MED16: variants seen among roughly 807,000 people sequenced by gnomAD.
MED16 encodes mediator of RNA polymerase II transcription subunit 16.
MED16 carries 81 observed loss-of-function variants against 84.4 expected under a neutral mutation model. The ratio of observed to expected loss-of-function variants is 0.96; its 90% CI spans 0.80 to 1.15. The LOEUF is 1.15. Among genes scored for constraint, MED16 ranks in the 50% most tolerant of loss-of-function variants. The pLI, the probability that MED16 is intolerant of heterozygous loss-of-function variation, is 0.00. For missense variants in MED16, 1,585 were observed against 1,245.9 expected (o/e 1.27, Z -4.10); for synonymous variants, 897 against 552.2 (o/e 1.62, Z -8.76).
Position 872,951 on chromosome 19 carries a change from GAGGGCTCCGAGGTGGGGC to G in MED16, c.1905+480_1905+497del, listed in dbSNP as rs1568320897. On this transcript the variant is annotated intron_variant, in intron 11 of 15. Transcript: ENST00000325464. The stretch of plus-strand genomic sequence containing the variant: ...TGGAGAGGAGGGCTCCGAGGTGGGG[GAGGGCTCCGAGGTGGGGC>G]AGGGCTCCGAGGTGGGGGAGGGCTC... 2.0e-4 allele frequency: 186 copies of G among 949,192 alleles called. 23 individuals carry two copies. Among genetic ancestry groups the G allele is most frequent in the South Asian group, 1.4e-3 (48 of 34,506 alleles). The allele number at this position is 949,192 out of a possible 1,614,324, so 58.8% of individuals were successfully genotyped here. A position where few individuals can be genotyped will look rare whatever the true frequency, so the allele number is the denominator to read the frequency against.
At chr19:873,258 C>CAGGGGCGGGGCTGAGGTGGGACTCCAAG (rs1568321481) in intron 11 of MED16, among the ~76,000 whole-genome samples, 191 bp downstream of exon 11, 3 of 111,060 alleles carry the variant, frequency 2.7e-5, no homozygotes, top group Non-Finnish European at 3.6e-5. Flanking sequence ...GGGACTCCAA[C>CAGGGGCGGGGCTGAGGTGGGACTCCAAG]CAGGGGCGGG....
chr19:873,057 GGCAGGGCTCCGA>G (rs2036128590), intron 11 of MED16: 1 of 132,652 alleles, frequency 7.5e-6, no homozygotes, highest in Admixed American at 1.9e-4. Context: ...TCCGAGGTGG[GGCAGGGCTCCGA>G]GGTGGGGGAG....
intron 10 of MED16, among the ~76,000 whole-genome samples, chr19:874,895 G>A (rs2036192026): frequency 3.3e-5 from 5 of 152,168 alleles, no homozygotes; most frequent in Admixed American, 2.0e-4. Context: ...TGTAATCCCA[G>A]CCTTTAGGCT....
chr19:881,710 G>A lies in MED16; in HGVS notation c.990C>T (p.Gly330=), dbSNP rs374949217. The change falls in exon 7 of 16, where the codon GGC becomes GGT. Residue 330 remains glycine (G), a synonymous_variant. Coordinates refer to ENST00000325464, the MANE Select transcript of MED16 (RefSeq NM_005481.3). ...ATTTGAGAATTGTGGGCTGTTTGTC[G>A]CCAACTGAAAAATCAGGGGCAGGAA... is the stretch of plus-strand genomic sequence containing the variant. The part of the protein sequence containing the change: ...NIFQQISPVV[G]DKQPTILKWR... 209 of 1,608,060 alleles carry A rather than the reference G, an allele frequency of 1.3e-4. 1 individual carries two copies. Among genetic ancestry groups the A allele is most frequent in the Admixed American group, 1.7e-4 (10 of 59,650 alleles).
chr19:872,341 C>T (rs1013740826), intron 11 of MED16, among the ~76,000 whole-genome samples: 60 of 152,118 alleles, frequency 3.9e-4, no homozygotes, highest in Non-Finnish European at 6.2e-4. Context: ...AGAGTCGTCC[C>T]ATCCCTGAGA....
rs1352645490 is a variant in MED16, at chr19:878,933, C to T, written c.1353+1004G>A. On this transcript the variant is annotated intron_variant, in intron 8 of 15. Coordinates refer to ENST00000325464, the MANE Select transcript of MED16 (RefSeq NM_005481.3). ...TGTCCACCAGCCCCGGCCCCGGCCC[C>T]GGCCCCGGCCCCGGCCGCAGCTCCA... Among the ~76,000 whole-genome samples, 14 of 110,642 alleles carry T rather than the reference C, an allele frequency of 1.3e-4. No individual in the cohort carries two copies. In the South Asian group the frequency reaches 2.6e-3, roughly 20 times the overall value. The allele number at this position is 110,642 out of a possible 152,430, so 72.6% of individuals were successfully genotyped here.
intron 4 of MED16, 34 bp from the exon 5 acceptor site, chr19:886,235 TCAGGCTCATGGGGGCTGCC>T (rs1454913120): frequency 1.2e-5 from 18 of 1,477,270 alleles, no homozygotes; most frequent in Non-Finnish European, 1.5e-5. Context: ...GAGGGGCCGC[TCAGGCTCATGGGGGCTGCC>T]CCATGACCCC....
At chr19:888,593 G>A (rs1272371070) in intron 4 of MED16, among the ~76,000 whole-genome samples, 2 of 151,446 alleles carry the variant, frequency 1.3e-5, no homozygotes, top group Admixed American at 6.6e-5. Flanking sequence ...CATGGCGAGT[G>A]TATACGAAAC....
intron 2 of MED16, 70 bp downstream of exon 2, chr19:890,893 G>T: frequency 6.6e-7 from 1 of 1,526,640 alleles, no homozygotes; most frequent in Admixed American, 2.0e-5. Context: ...AAGGCAGTGG[G>T]CCGGGCACCT....
Position 877,013 on chromosome 19 carries a change from C to T in MED16, c.1521G>A (p.Leu507=). The part of the protein sequence containing the change: ...PSMVQSLVEK[L]HEEYTRQTAA... Reference sequence around the variant, plus strand: ...CGGTCTGGCGCGTGTACTCCTCGTGCAGCTTCTCCACCAGGCTCTGTACCA... The same window carrying T: ...CGGTCTGGCGCGTGTACTCCTCGTGTAGCTTCTCCACCAGGCTCTGTACCA... Residue 507 remains leucine, a synonymous_variant, in exon 9 of 16, where the codon CTG becomes CTA. Transcript: ENST00000325464. 10 of 1,612,500 alleles carry T rather than the reference C, an allele frequency of 6.2e-6. No individual in the cohort carries two copies. The highest frequency in any genetic ancestry group is 8.5e-6 in the Non-Finnish European group (10 of 1,179,822).
intron 1 of MED16, 174 bp downstream of exon 1, chr19:892,887 GCGCCCCGCGCCCCGCGCCCCGCGCC>G (rs2036668956): frequency 1.0e-4 from 1 of 9,950 alleles, no homozygotes; most frequent in African/African-American, 3.3e-4. Flanking sequence ...CCCGAGCCCC[GCGCCCCGCGCCCCGCGCCCCGCGCC>G]CCGCGCCCCG....
In MED16 at chr19:881,729, G is replaced by C. The variant is rs769473262; in HGVS notation, c.986-15C>G. 3 of 1,607,190 alleles carry C rather than the reference G, an allele frequency of 1.9e-6. No homozygotes were observed. The highest frequency in any genetic ancestry group is 2.6e-6 in the Non-Finnish European group (3 of 1,175,804). On this transcript the variant is annotated splice_polypyrimidine_tract_variant and intron_variant, in intron 6 of 15. Transcript: ENST00000325464. ...TTTGTCGCCAACTGAAAAATCAGGG[G>C]CAGGAAAACAGGAAGGCAATGGAGT...
At chr19:874,437 C>T (rs1389227264) in intron 10 of MED16, among the ~76,000 whole-genome samples, 3 of 152,150 alleles carry the variant, frequency 2.0e-5, no homozygotes, top group African/African-American at 7.2e-5. Context: ...AAACAGCCTG[C>T]CAGGCACAGT....
Position 885,031 on chromosome 19 carries a change from G to A in MED16, c.880-23C>T, listed in dbSNP as rs748552479. On this transcript the variant is annotated intron_variant, in intron 5 of 15. Coordinates refer to ENST00000325464, the MANE Select transcript of MED16 (RefSeq NM_005481.3). The stretch of plus-strand genomic sequence containing the variant: ...CACCTGCGGGGGAGGTGGGGGTGAG[G>A]GCTGACCCGGCACTGCTGTGGTGGC... The A allele has an allele frequency of 5.1e-6, 8 of 1,556,532 alleles. No individual in the cohort carries two copies. The East Asian group carries it at 1.4e-4, about 27-fold the overall frequency.
At chr19:872,682 G>A (rs1301268326) in intron 11 of MED16, among the ~76,000 whole-genome samples, 3 of 151,750 alleles carry the variant, frequency 2.0e-5, no homozygotes, top group East Asian at 2.0e-4. Context: ...TGGAGCCCTG[G>A]TCAGGGGCGC....
Position 867,987 on chromosome 19 carries a change from C to T in MED16, c.*114G>A, listed in dbSNP as rs2035953365. 2 of 1,383,442 alleles carry T rather than the reference C, an allele frequency of 1.4e-6. No homozygotes were observed. The highest frequency in any genetic ancestry group is 2.4e-5 in the East Asian group (1 of 42,098). 85.7% of individuals were successfully genotyped at this position (1,383,442 alleles called of 1,614,324 possible). A position where few individuals can be genotyped will look rare whatever the true frequency, so the allele number is the denominator to read the frequency against. ...CTGGGCGCAGAGGGCGTTTATTGGA[C>T]CTGTCCTTCCCAGCCGCTGCTTGTC... On this transcript the variant is annotated 3_prime_UTR_variant, in exon 16 of 16. Coordinates refer to ENST00000325464, the MANE Select transcript of MED16 (RefSeq NM_005481.3).
rs768900748 is a variant in MED16, at chr19:875,315, TGGG to T, written c.1697_1699del (p.Pro566del). The stretch of plus-strand genomic sequence containing the variant: ...GCTCTTGTCAGGCGTGTTGAGAAAG[TGGG>T]GGCGCAGCAGCGACTTCAGGGTGGA... On this transcript the variant is annotated inframe_deletion, in exon 10 of 16. Coordinates refer to ENST00000325464, the MANE Select transcript of MED16 (RefSeq NM_005481.3). 6.2e-7 allele frequency: 1 copy of T among 1,608,472 alleles called. No individual in the cohort carries two copies. Among genetic ancestry groups the T allele is most frequent in the Admixed American group, 1.7e-5 (1 of 59,852 alleles).
rs751875362 is a variant in MED16, at chr19:872,086, C to T, written c.1938G>A (p.Leu646=). 6.8e-6 allele frequency: 11 copies of T among 1,608,724 alleles called. No individual in the cohort carries two copies. In the East Asian group the frequency reaches 2.5e-4, roughly 36 times the overall value. The change falls in exon 12 of 16, where the codon CTG becomes CTA. Residue 646 remains leucine, a synonymous_variant. Transcript: ENST00000325464. ...GSLLRPGHSF[L]RDGTSLGMLR... ...GCATGCCCAGCGAGGTGCCGTCCCG[C>T]AGAAAGCTGTGGCCCGGCCTCAGCA...
Position 885,012 on chromosome 19 carries a change from C to T in MED16, c.880-4G>A, listed in dbSNP as rs373461561. On this transcript the variant is annotated splice_polypyrimidine_tract_variant and splice_region_variant and intron_variant, in intron 5 of 15. Transcript: ENST00000325464. Reference sequence around the variant, plus strand: ...GGCTGGACGCGCACAAAAGCACCTGCGGGGGAGGTGGGGGTGAGGGCTGAC... The same window carrying T: ...GGCTGGACGCGCACAAAAGCACCTGTGGGGGAGGTGGGGGTGAGGGCTGAC... The T allele has an allele frequency of 9.4e-6, 15 of 1,590,460 alleles. No individual in the cohort carries two copies. The highest frequency in any genetic ancestry group is 5.4e-5 in the African/African-American group (4 of 74,660).
Sources: gnomAD v4.1 joint callset for allele counts (sites outside exome capture counted in the v4.1 genomes callset) on GRCh38, gnomAD v4.1.1 for gene constraint, MANE v1.5 for transcripts, NCBI Gene and HGNC (gene_info 2026-07-23, HGNC 2026-07-21) for gene names.